Variants in DGKG observed in about 807,000 individuals in gnomAD.
DGKG encodes the protein DAG kinase gamma.
DGKG carries 78 observed loss-of-function variants against 105.3 expected under a neutral mutation model. The observed-to-expected ratio is 0.74, with a 90% CI of 0.62 to 0.89. The LOEUF is 0.89. DGKG is among the 40% of genes least tolerant of loss of function. The pLI is 0.00. For synonymous variants in DGKG, 346 were observed against 367.1 expected, an observed-to-expected ratio of 0.94 and a Z score of 0.66; for missense variants, 958 against 1,020.1, an observed-to-expected ratio of 0.94 and a Z score of 0.83.
chr3:186,275,644 C>T lies in DGKG; in HGVS notation c.813G>A (p.Arg271=), dbSNP rs750684715. ...TGAAGTGCTTCATGGTCCAGGCGTG[C>T]CGCCCATCCCCCTTGGAGCCCTGCA... ...MDDSGSKGDG[R]HAWTMKHFKK... The change falls in exon 10 of 25, where the codon CGG becomes CGA. Residue 271 remains arginine (R), a synonymous_variant. Transcript: ENST00000265022. The T allele has an allele frequency of 3.1e-6, 5 of 1,613,750 alleles. No individual in the cohort carries two copies. The South Asian group carries it at 5.5e-5, about 18-fold the overall frequency.
At chr3:186,350,483 T>C (rs369024002) in intron 1 of DGKG, among the ~76,000 whole-genome samples, 2 of 152,236 alleles carry the variant, frequency 1.3e-5, no homozygotes, top group African/African-American at 4.8e-5. Flanking sequence ...GTTTATCCAG[T>C]CATCCATAAG....
At chr3:186,358,483 C>T (rs896239419) in intron 1 of DGKG, among the ~76,000 whole-genome samples, 1 of 135,158 alleles carries the variant, frequency 7.4e-6, no homozygotes, top group Non-Finnish European at 1.6e-5. Context: ...ATAGCTAGGG[C>T]CAGTTTGTTT....
chr3:186,310,271 A>AAAAAAAAAC (rs1447955037), intron 2 of DGKG, among the ~76,000 whole-genome samples: 6 of 145,376 alleles, frequency 4.1e-5, no homozygotes, highest in Non-Finnish European at 9.0e-5. Context: ...GTCTCAAAAA[A>AAAAAAAAAC]AAAAAAAAAA....
At chr3:186,305,894 G>A (rs1185036250) in intron 3 of DGKG, among the ~76,000 whole-genome samples, 1 of 152,106 alleles carries the variant, frequency 6.6e-6, no homozygotes, top group Non-Finnish European at 1.5e-5. Context: ...GGAAAAACAG[G>A]CTTTATAGGG....
chr3:186,206,601 AC>A (rs1718752218), intron 21 of DGKG, among the ~76,000 whole-genome samples: 1 of 151,828 alleles, frequency 6.6e-6, no homozygotes, highest in Non-Finnish European at 1.5e-5. Flanking sequence ...CCCACCCCCC[AC>A]CTGCTTAATC....
chr3:186,171,841 T>G (rs188488881), intron 22 of DGKG, among the ~76,000 whole-genome samples: 2 of 152,156 alleles, frequency 1.3e-5, no homozygotes, highest in African/African-American at 4.8e-5. Flanking sequence ...TTCTGTCCAT[T>G]CTCATCCCAG....
intron 20 of DGKG, among the ~76,000 whole-genome samples, chr3:186,233,804 T>C (rs1720280250): frequency 6.6e-6 from 1 of 152,222 alleles, no homozygotes; most frequent in Non-Finnish European, 1.5e-5. Flanking sequence ...TTTAAGCCAC[T>C]AAGTTTGTGG....
intron 22 of DGKG, among the ~76,000 whole-genome samples, chr3:186,168,373 A>C (rs1409365045): frequency 6.6e-6 from 1 of 152,062 alleles, no homozygotes; most frequent in Non-Finnish European, 1.5e-5. Context: ...TAATATAAGC[A>C]CTCCAAGAAA....
At chr3:186,350,572 T>G (rs372589224) in intron 1 of DGKG, among the ~76,000 whole-genome samples, 4 of 152,256 alleles carry the variant, frequency 2.6e-5, no homozygotes, top group African/African-American at 9.6e-5. Flanking sequence ...TACCTCTTCA[T>G]GTTCCTGCTT....
At chr3:186,297,753 T>C (rs2108613562) in intron 4 of DGKG, among the ~76,000 whole-genome samples, 1 of 152,322 alleles carries the variant, frequency 6.6e-6, no homozygotes, top group Middle Eastern at 3.4e-3. Flanking sequence ...ATGTGCTCCA[T>C]CCGTGGACCG....
intron 1 of DGKG, among the ~76,000 whole-genome samples, chr3:186,344,103 G>A (rs1286275144): frequency 6.6e-6 from 1 of 152,222 alleles, no homozygotes; most frequent in Non-Finnish European, 1.5e-5. Flanking sequence ...TAGTAAGGTT[G>A]TGGAGAAAAG....
chr3:186,229,946 T>C (rs1220559513), intron 20 of DGKG, among the ~76,000 whole-genome samples: 3 of 152,100 alleles, frequency 2.0e-5, no homozygotes, highest in Admixed American at 6.5e-5. Context: ...TGCAGCAAAG[T>C]GGGACAGAAT....
chr3:186,324,457 T>C (rs1578835826), intron 1 of DGKG, among the ~76,000 whole-genome samples: 1 of 151,866 alleles, frequency 6.6e-6, no homozygotes, highest in Middle Eastern at 3.4e-3. Context: ...CAATAAATGA[T>C]TGTTATTATC....
At position 186,240,196 on chromosome 3, in the gene DGKG, C is replaced by T. The variant is rs902360792; in HGVS notation, c.1826+2308G>A. Among the ~76,000 whole-genome samples, 16 of 152,196 alleles carry T rather than the reference C, an allele frequency of 1.1e-4. No individual in the cohort carries two copies. The East Asian group carries it at 2.9e-3, about 28-fold the overall frequency. On this transcript the variant is annotated intron_variant, in intron 20 of 24. Coordinates refer to ENST00000265022, the MANE Select transcript of DGKG (RefSeq NM_001346.3). ...TTTGCTTCCTTCTCCCTGTGTTGCC[C>T]TCCTCTTTTTCCGTGTCTTGGTTCA...
chr3:186,274,538 T>G (rs1171637998), intron 10 of DGKG, among the ~76,000 whole-genome samples: 2 of 73,342 alleles, frequency 2.7e-5, no homozygotes, highest in African/African-American at 5.5e-5. Context: ...CCCTCCCCCC[T>G]CCCCCCACCC....
In DGKG at chr3:186,152,098, A is replaced by T. The variant is rs947755818; in HGVS notation, c.2278-1910T>A. Among the ~76,000 whole-genome samples, 6 of 152,178 alleles carry T rather than the reference A, an allele frequency of 3.9e-5. No individual in the cohort carries two copies. The East Asian group carries it at 1.2e-3, about 29-fold the overall frequency. On this transcript the variant is annotated intron_variant, in intron 24 of 24. Coordinates refer to ENST00000265022, the MANE Select transcript of DGKG (RefSeq NM_001346.3). The stretch of plus-strand genomic sequence containing the variant: ...CATCTCAAAAAAATAAAATAAAAAT[A>T]AAGGGCTCCAGGAAATGGAAGGGAA...
At chr3:186,337,588 C>T (rs1725890719) in intron 1 of DGKG, among the ~76,000 whole-genome samples, 1 of 152,120 alleles carries the variant, frequency 6.6e-6, no homozygotes, top group Admixed American at 6.5e-5. Context: ...AGAAACTCTA[C>T]TATTCAGCAG....
Position 186,148,446 on chromosome 3 carries a change from G to A in DGKG, c.*1644C>T, listed in dbSNP as rs1180182296. The A allele has an allele frequency of 3.8e-5, 37 of 985,240 alleles. No homozygotes were observed. The highest frequency in any genetic ancestry group is 4.5e-5 in the Non-Finnish European group (37 of 829,936). The allele number at this position is 985,240 out of a possible 1,614,324, so 61.0% of individuals were successfully genotyped here. A position where few individuals can be genotyped will look rare whatever the true frequency, so the allele number is the denominator to read the frequency against. ...CCATTCAGGTCAGAGAGAACCTCTG[G>A]GAAGCAGCATGAGGCGCTCGTTTTC... On this transcript the variant is annotated 3_prime_UTR_variant, in exon 25 of 25. Coordinates refer to ENST00000265022, the MANE Select transcript of DGKG (RefSeq NM_001346.3).
At chr3:186,151,454 T>C (rs577964017) in intron 24 of DGKG, among the ~76,000 whole-genome samples, 1 of 152,162 alleles carries the variant, frequency 6.6e-6, no homozygotes, top group South Asian at 2.1e-4. Flanking sequence ...AAAAGTCTGA[T>C]GGGAACAAGG....
Sources: gnomAD v4.1 joint callset for allele counts (sites outside exome capture counted in the v4.1 genomes callset) on GRCh38, gnomAD v4.1.1 for gene constraint, MANE v1.5 for transcripts, NCBI Gene and HGNC (gene_info 2026-07-23, HGNC 2026-07-21) for gene names.